The following IRF2BPL variants were observed in gnomAD, a reference collection of about 807,000 sequenced individuals.
The protein encoded by IRF2BPL is probable E3 ubiquitin-protein ligase IRF2BPL.
Under a neutral mutation model 51.2 loss-of-function variants are expected in IRF2BPL, and 13 were observed. The ratio of observed to expected loss-of-function variants is 0.25; its 90% CI spans 0.17 to 0.40. IRF2BPL has a LOEUF of 0.40. IRF2BPL is among the 10% of genes least tolerant of loss of function. The pLI, the probability that IRF2BPL is intolerant of heterozygous loss-of-function variation, is 1.00. For synonymous variants in IRF2BPL, 768 were observed against 509.2 expected, an observed-to-expected ratio of 1.51 and a Z score of -6.84; for missense variants, 1,210 against 1,111.8, an observed-to-expected ratio of 1.09 and a Z score of -1.26.
In IRF2BPL at chr14:77,027,584, G is replaced by A; in HGVS notation, c.209C>T (p.Pro70Leu). 6.4e-7 allele frequency: 1 copy of A among 1,566,676 alleles called. No homozygotes were observed. Among genetic ancestry groups the A allele is most frequent in the Non-Finnish European group, 8.6e-7 (1 of 1,157,982 alleles). ...GACCCCGACGGGCGGCGGCGGCCCG[G>A]GGGAGCGGCCGTCCTGGAAGCAGCC... ...AHGCFQDGRSPGPPPPVGVKT... is the reference protein window; with the variant it reads ...AHGCFQDGRSLGPPPPVGVKT... The change falls in exon 1 of 1, where the codon CCC (proline) becomes CTC (leucine). Residue 70 changes from proline to leucine, a missense_variant. By Grantham distance (98) the Pro-to-Leu change is moderately conservative. Coordinates refer to ENST00000238647, the MANE Select transcript of IRF2BPL (RefSeq NM_024496.4).
rs1212234420 is a variant in IRF2BPL, at chr14:77,028,078, C to G, written c.-286G>C. ...CGAGGGGAGCTCAGGCGCCTTCTTCCTGGTGCTGCAGACTTGGGCTGGAAG... is the reference window on the plus strand; with the variant it reads ...CGAGGGGAGCTCAGGCGCCTTCTTCGTGGTGCTGCAGACTTGGGCTGGAAG... On this transcript the variant is annotated 5_prime_UTR_variant, in exon 1 of 1. Coordinates refer to ENST00000238647, the MANE Select transcript of IRF2BPL (RefSeq NM_024496.4). The G allele has an allele frequency of 2.9e-6, 1 of 350,492 alleles. No homozygotes were observed. Among genetic ancestry groups the G allele is most frequent in the Non-Finnish European group, 5.4e-6 (1 of 185,744 alleles). 21.7% of individuals were successfully genotyped at this position (350,492 alleles called of 1,614,324 possible).
At position 77,027,307 on chromosome 14, in the gene IRF2BPL, G is replaced by A. The variant is rs1232461416; in HGVS notation, c.486C>T (p.Ala162=). Residue 162 remains alanine, a synonymous_variant, in exon 1 of 1, where the codon GCC becomes GCT. Transcript: ENST00000238647. The part of the protein sequence containing the change: ...SAAAAAAAAA[A]AAVEQRSRFE... ...AGCGGCTGCGCTGTTCCACCGCAGC[G>A]GCGGCGGCGGCGGCGGCGGCGGCGG... The A allele has an allele frequency of 1.9e-5, 24 of 1,234,882 alleles. No homozygotes were observed. In the African/African-American group the frequency reaches 2.7e-4, roughly 14 times the overall value. The allele number at this position is 1,234,882 out of a possible 1,614,324, so 76.5% of individuals were successfully genotyped here.
rs764693322 is a variant in IRF2BPL at position 77,027,652 on chromosome 14, G to C, written c.141C>G (p.Ile47Met). 19 of 1,610,736 alleles carry C rather than the reference G, an allele frequency of 1.2e-5. No homozygotes were observed. The African/African-American group carries it at 2.1e-4, about 18-fold the overall frequency. The stretch of plus-strand genomic sequence containing the variant: ...GGCGCGCTGTCTCGATCACGAATTC[G>C]ATGCGATCAGCGCCCTCGTAGTTGA... ...GCVNYEGADR[I>M]EFVIETARQL... Residue 47 changes from isoleucine (I) to methionine (M), a missense_variant, in exon 1 of 1, where the codon ATC becomes ATG. Physicochemically the swap from Ile to Met is conservative, Grantham distance 10. Transcript: ENST00000238647.
In IRF2BPL at chr14:77,026,858, G is replaced by A; in HGVS notation, c.935C>T (p.Ala312Val). 1.2e-6 allele frequency: 2 copies of A among 1,600,208 alleles called. No individual in the cohort carries two copies. The highest frequency in any genetic ancestry group is 8.5e-7 in the Non-Finnish European group (1 of 1,173,898). The stretch of plus-strand genomic sequence containing the variant: ...CACCGACGAAGAGGTCGAAGACGAC[G>A]CGGAGGACGACGTGGCCGATACACC... ...TPGVSATSSS[A>V]SSSTSSSVAE... Residue 312 changes from alanine (A) to valine (V), a missense_variant, in exon 1 of 1, where the codon GCG becomes GTG. Coordinates refer to ENST00000238647, the MANE Select transcript of IRF2BPL (RefSeq NM_024496.4).
rs141630319 is a variant in IRF2BPL, at chr14:77,025,762, C to T, written c.2031G>A (p.Gly677=). 1,162 of 1,601,870 alleles carry T rather than the reference C, an allele frequency of 7.3e-4. 8 individuals carry two copies. The African/African-American group carries it at 0.012, about 16-fold the overall frequency. ...PGQRRLASRN[G]DLNLQVAPPP... ...GGGGCGCCACCTGTAAATTCAGGTC[C>T]CCGTTACGTGATGCCAAGCGGCGCT... The change falls in exon 1 of 1, where the codon GGG becomes GGA. Residue 677 remains glycine, a synonymous_variant. Coordinates refer to ENST00000238647, the MANE Select transcript of IRF2BPL (RefSeq NM_024496.4).
chr14:77,027,976 T>A lies in IRF2BPL; in HGVS notation c.-184A>T. ...CCACCGCCGGCGCAGCGCCTCGCCG[T>A]GGGGGCTCCACCGCCCGGGCAGCGG... On this transcript the variant is annotated 5_prime_UTR_variant, in exon 1 of 1. Coordinates refer to ENST00000238647, the MANE Select transcript of IRF2BPL (RefSeq NM_024496.4). 1.5e-6 allele frequency: 1 copy of A among 684,044 alleles called. No homozygotes were observed. Among genetic ancestry groups the A allele is most frequent in the Non-Finnish European group, 2.2e-6 (1 of 449,604 alleles). 42.4% of individuals were successfully genotyped at this position (684,044 alleles called of 1,614,324 possible). A position where few individuals can be genotyped will look rare whatever the true frequency, so the allele number is the denominator to read the frequency against.
rs767733348 is a variant in IRF2BPL, at chr14:77,028,024, C to A, written c.-232G>T. The A allele has an allele frequency of 6.7e-6, 3 of 447,402 alleles. No homozygotes were observed. The highest frequency in any genetic ancestry group is 1.2e-5 in the Non-Finnish European group (3 of 253,938). The allele number at this position is 447,402 out of a possible 1,614,324, so 27.7% of individuals were successfully genotyped here. On this transcript the variant is annotated 5_prime_UTR_variant, in exon 1 of 1. Coordinates refer to ENST00000238647, the MANE Select transcript of IRF2BPL (RefSeq NM_024496.4). ...CGGACGGGTTCAGCCCTCTCTTCGC[C>A]CCCACCTCCTACTGCGGTTGACTCG...
Position 77,027,502 on chromosome 14 carries a change from GGCCGCCGCTGCTGCC to G in IRF2BPL, c.276_290del (p.Ala98_Ala102del). On this transcript the variant is annotated inframe_deletion, in exon 1 of 1. Transcript: ENST00000238647. ...GTTGCTGTTGCGCGGCGGCGGCGGC[GGCCGCCGCTGCTGCC>G]GCCGCCGCCGCCGCTTCCTTAGCCG... 2 of 664,754 alleles carry G rather than the reference GGCCGCCGCTGCTGCC, an allele frequency of 3.0e-6. No individual in the cohort carries two copies. Among genetic ancestry groups the G allele is most frequent in the South Asian group, 9.0e-5 (2 of 22,122 alleles). 41.2% of individuals were successfully genotyped at this position (664,754 alleles called of 1,614,324 possible). A position where few individuals can be genotyped will look rare whatever the true frequency, so the allele number is the denominator to read the frequency against.
In IRF2BPL at chr14:77,024,913, C is replaced by A. The variant is rs975880072; in HGVS notation, c.*489G>T. 5.2e-5 allele frequency: 4 copies of A among 77,044 alleles called. No homozygotes were observed. The highest frequency in any genetic ancestry group is 2.4e-4 in the African/African-American group (4 of 16,948). 4.8% of individuals were successfully genotyped at this position (77,044 alleles called of 1,614,324 possible). On this transcript the variant is annotated 3_prime_UTR_variant, in exon 1 of 1. Transcript: ENST00000238647. ...GAAGGAAGCTTTCACCATTTTATAGCATTTTTTTTTTTTTTTTTTTTTTTT... is the reference window on the plus strand; with the variant it reads ...GAAGGAAGCTTTCACCATTTTATAGAATTTTTTTTTTTTTTTTTTTTTTTT...
Position 77,026,282 on chromosome 14 carries a change from C to G in IRF2BPL, c.1511G>C (p.Cys504Ser). The G allele has an allele frequency of 6.6e-7, 1 of 1,513,282 alleles. No homozygotes were observed. Among genetic ancestry groups the G allele is most frequent in the Non-Finnish European group, 8.8e-7 (1 of 1,131,934 alleles). 93.7% of individuals were successfully genotyped at this position (1,513,282 alleles called of 1,614,324 possible). ...MLPQPYLDAS[C>S]PMLPTALVSL... ...CACCAGAGCAGTGGGCAGCATGGGA[C>G]AGCTGGCGTCCAGGTAGGGCTGGGG... The change falls in exon 1 of 1, where the codon TGT becomes TCT. Residue 504 changes from cysteine (C) to serine (S), a missense_variant. Cys to Ser is a moderately radical substitution (Grantham distance 112). Transcript: ENST00000238647.
Position 77,026,484 on chromosome 14 carries a change from C to T in IRF2BPL, c.1309G>A (p.Val437Met). 2 of 1,613,602 alleles carry T rather than the reference C, an allele frequency of 1.2e-6. No homozygotes were observed. The highest frequency in any genetic ancestry group is 8.5e-7 in the Non-Finnish European group (1 of 1,180,014). The change falls in exon 1 of 1, where the codon GTG (valine) becomes ATG (methionine). Residue 437 changes from valine (V) to methionine (M), a missense_variant. By Grantham distance (21) the Val-to-Met change is conservative (BLOSUM62 1). Coordinates refer to ENST00000238647, the MANE Select transcript of IRF2BPL (RefSeq NM_024496.4). ...SGNVYSSASG[V>M]AKQMYQDCMK... ...CAGTCCTGATACATCTGCTTGGCCACACCAGATGCACTGGAGTACACGTTG... is the reference window on the plus strand; with the variant it reads ...CAGTCCTGATACATCTGCTTGGCCATACCAGATGCACTGGAGTACACGTTG...
At position 77,025,378 on chromosome 14, in the gene IRF2BPL, C is replaced by A; in HGVS notation, c.*24G>T. 6.6e-7 allele frequency: 1 copy of A among 1,510,528 alleles called. No homozygotes were observed. Among genetic ancestry groups the A allele is most frequent in the Non-Finnish European group, 8.9e-7 (1 of 1,122,602 alleles). 93.6% of individuals were successfully genotyped at this position (1,510,528 alleles called of 1,614,324 possible). On this transcript the variant is annotated 3_prime_UTR_variant, in exon 1 of 1. Transcript: ENST00000238647. The stretch of plus-strand genomic sequence containing the variant: ...GGATTGGAGAGGAGCTGGTCTAGGG[C>A]AAAGGAGGTGGCTGCCCAGTGGTTC...
rs912075617 is a variant in IRF2BPL at position 77,027,870 on chromosome 14, T to C, written c.-78A>G. The C allele has an allele frequency of 2.3e-5, 32 of 1,392,408 alleles. No individual in the cohort carries two copies. Among genetic ancestry groups the C allele is most frequent in the Non-Finnish European group, 2.7e-5 (29 of 1,067,230 alleles). The allele number at this position is 1,392,408 out of a possible 1,614,324, so 86.3% of individuals were successfully genotyped here. ...TTCTCCTCCGGGAGGACTGGCCGGCTGGGGAGGGAGTCCGACTGCGGGGGA... is the reference window on the plus strand; with the variant it reads ...TTCTCCTCCGGGAGGACTGGCCGGCCGGGGAGGGAGTCCGACTGCGGGGGA... On this transcript the variant is annotated 5_prime_UTR_variant, in exon 1 of 1. Coordinates refer to ENST00000238647, the MANE Select transcript of IRF2BPL (RefSeq NM_024496.4).
At position 77,027,424 on chromosome 14, in the gene IRF2BPL, C is replaced by CTGCTGT; in HGVS notation, c.368_369insACAGCA (p.Gln126_Gln127dup). The CTGCTGT allele has an allele frequency of 5.2e-5, 11 of 210,016 alleles. No individual in the cohort carries two copies. Among genetic ancestry groups the CTGCTGT allele is most frequent in the Non-Finnish European group, 7.2e-5 (11 of 151,938 alleles). The allele number at this position is 210,016 out of a possible 1,614,324, so 13.0% of individuals were successfully genotyped here. ...CAACGTGGTTGAGCTGTTGTTGCTG[C>CTGCTGT]TGCTGCTGCTGCTGCTGCTGCTGCT... On this transcript the variant is annotated inframe_insertion, in exon 1 of 1. Transcript: ENST00000238647.
In IRF2BPL at chr14:77,025,398, T is replaced by A; in HGVS notation, c.*4A>T. 6.5e-7 allele frequency: 1 copy of A among 1,532,654 alleles called. No homozygotes were observed. Among genetic ancestry groups the A allele is most frequent in the Non-Finnish European group, 8.8e-7 (1 of 1,137,850 alleles). The allele number at this position is 1,532,654 out of a possible 1,614,324, so 94.9% of individuals were successfully genotyped here. On this transcript the variant is annotated 3_prime_UTR_variant, in exon 1 of 1. Transcript: ENST00000238647. The stretch of plus-strand genomic sequence containing the variant: ...TAGGGCAAAGGAGGTGGCTGCCCAG[T>A]GGTTCAAGGGTCTCTCTCCTTTTTC...
rs755424720 is a variant in IRF2BPL at position 77,027,330 on chromosome 14, C to T, written c.463G>A (p.Ala155Thr). 1 of 1,530,668 alleles carries T rather than the reference C, an allele frequency of 6.5e-7. No individual in the cohort carries two copies. The highest frequency in any genetic ancestry group is 2.2e-5 in the Admixed American group (1 of 44,660). 94.8% of individuals were successfully genotyped at this position (1,530,668 alleles called of 1,614,324 possible). Residue 155 changes from alanine (A) to threonine (T), a missense_variant, in exon 1 of 1, where the codon GCC becomes ACC. By Grantham distance (58) the Ala-to-Thr change is moderately conservative. Coordinates refer to ENST00000238647, the MANE Select transcript of IRF2BPL (RefSeq NM_024496.4). ...GCGGCGGCGGCGGCGGCGGCGGCGG[C>T]GGCAGCGCTTAGGCCGTAGCGCTCC... ...GLERYGLSAA[A>T]AAAAAAAAAV...
Position 77,027,798 on chromosome 14 carries a change from C to A in IRF2BPL, c.-6G>T. On this transcript the variant is annotated 5_prime_UTR_variant, in exon 1 of 1. It adds an upstream start codon to the 5' untranslated region. Transcript: ENST00000238647. ...GACACCTGCGCCGCCGACATGATGC[C>A]TGCCCTGGGGAAGGTAGGCCCCCGC... 1 of 1,552,776 alleles carries A rather than the reference C, an allele frequency of 6.4e-7. No individual in the cohort carries two copies. Among genetic ancestry groups the A allele is most frequent in the Non-Finnish European group, 8.7e-7 (1 of 1,146,230 alleles).
Position 77,027,059 on chromosome 14 carries a change from C to T in IRF2BPL, c.734G>A (p.Gly245Asp), listed in dbSNP as rs1295360079. The change falls in exon 1 of 1, where the codon GGC becomes GAC. Residue 245 changes from glycine (G) to aspartate (D), a missense_variant. Gly to Asp is a moderately conservative substitution (Grantham distance 94). Transcript: ENST00000238647. Reference sequence around the variant, plus strand: ...GGGCACGGTGAGCTGGGGGCCTCCGCCACCCCCCGGGTTGGGCAGCCCCGT... The same window carrying T: ...GGGCACGGTGAGCTGGGGGCCTCCGTCACCCCCCGGGTTGGGCAGCCCCGT... Reference protein sequence around the residue: ...LVTGLPNPGGGGGPQLTVPPN... With the variant: ...LVTGLPNPGGDGGPQLTVPPN... 5 of 1,581,122 alleles carry T rather than the reference C, an allele frequency of 3.2e-6. No individual in the cohort carries two copies. Among genetic ancestry groups the T allele is most frequent in the South Asian group, 1.1e-5 (1 of 88,198 alleles).
Position 77,026,982 on chromosome 14 carries a change from G to C in IRF2BPL, c.811C>G (p.Leu271Val), listed in dbSNP as rs1195694831. Residue 271 changes from leucine to valine, a missense_variant, in exon 1 of 1, where the codon CTC (leucine) becomes GTC (valine). Physicochemically the swap from Leu to Val is conservative, Grantham distance 32 (BLOSUM62 1). Transcript: ENST00000238647. The part of the protein sequence containing the change: ...LLNGPASAAV[L>V]PPPPPHALGS... ...AGGGCGTGGGGAGGGGGTGGGGGGA[G>C]TACCGCAGCGCTGGCCGGGCCGTTA... 9 of 1,485,702 alleles carry C rather than the reference G, an allele frequency of 6.1e-6. No individual in the cohort carries two copies. Among genetic ancestry groups the C allele is most frequent in the Non-Finnish European group, 8.1e-6 (9 of 1,117,886 alleles). The allele number at this position is 1,485,702 out of a possible 1,614,324, so 92.0% of individuals were successfully genotyped here.
Sources: allele counts gnomAD v4.1 joint callset, GRCh38; gene constraint gnomAD v4.1.1; transcripts MANE v1.5; gene names NCBI Gene and HGNC (gene_info 2026-07-23, HGNC 2026-07-21).